Variants in ZPBP observed in about 807,000 individuals in gnomAD.
ZPBP encodes the protein zona pellucida binding protein, also known as zona pellucida-binding protein 1.
A neutral mutation model predicts 44.8 loss-of-function variants in ZPBP; 26 were observed. That is an observed-to-expected ratio of 0.58 (90% CI 0.43 to 0.81). The LOEUF (loss-of-function observed/expected upper bound fraction) is 0.81, where lower values mean the gene tolerates loss of function less well. ZPBP is among the 30% of genes least tolerant of loss of function. ZPBP has a pLI of 0.00. For synonymous variants in ZPBP, 174 were observed against 153.2 expected (o/e 1.14, Z -1.00); for missense variants, 409 against 434.0 (o/e 0.94, Z 0.51).
At chr7:49,859,675 T>C (rs1232008600) in intron 2 of ZPBP, among the ~76,000 whole-genome samples, 1 of 152,254 alleles carries the variant, frequency 6.6e-6, no homozygotes, top group Non-Finnish European at 1.5e-5. Context: ...TATAGATTTA[T>C]ACTATGTGTT....
At chr7:49,895,286 C>T (rs1043726566) in intron 2 of ZPBP, among the ~76,000 whole-genome samples, 4 of 152,114 alleles carry the variant, frequency 2.6e-5, no homozygotes, top group African/African-American at 9.7e-5. Context: ...AGGGCTCTGC[C>T]CTCATGACTT....
chr7:49,943,682 T>C (rs1376534443), intron 7 of ZPBP: 1 of 280,892 alleles, frequency 3.6e-6, no homozygotes, highest in African/African-American at 2.3e-5. Flanking sequence ...TGTACAAACA[T>C]AACGTGTTCC....
intron 2 of ZPBP, among the ~76,000 whole-genome samples, chr7:49,869,291 A>G (rs543107343): frequency 6.6e-6 from 1 of 152,326 alleles, no homozygotes; most frequent in Non-Finnish European, 1.5e-5. Context: ...AATGGAGGAA[A>G]TAATTCCTCC....
chr7:50,069,283 C>CT (rs887443066), intron 3 of ZPBP, among the ~76,000 whole-genome samples: 39 of 151,554 alleles, frequency 2.6e-4, no homozygotes, highest in Admixed American at 1.1e-3. Flanking sequence ...TTTCCAGAGA[C>CT]TTTTTTTTTG....
In ZPBP at chr7:49,937,498, A is replaced by G; in HGVS notation, c.*30T>C. Reference sequence around the variant, plus strand: ...ATTTCAAATATATACTTTGCATTTAATAAACCACTGAATAACTGAAGATAA... The same window carrying G: ...ATTTCAAATATATACTTTGCATTTAGTAAACCACTGAATAACTGAAGATAA... On this transcript the variant is annotated 3_prime_UTR_variant, in exon 8 of 8. Coordinates refer to ENST00000046087, the MANE Select transcript of ZPBP (RefSeq NM_007009.3). 6.6e-7 allele frequency: 1 copy of G among 1,507,056 alleles called. No homozygotes were observed. The highest frequency in any genetic ancestry group is 9.2e-7 in the Non-Finnish European group (1 of 1,082,768). 93.4% of individuals were successfully genotyped at this position (1,507,056 alleles called of 1,614,324 possible).
rs138756868 is a variant in ZPBP at position 49,937,869 on chromosome 7, G to A, written c.962-247C>T. Among the ~76,000 whole-genome samples the A allele has an allele frequency of 1.5e-3, 230 of 152,132 alleles. 3 individuals are homozygous for A. The highest frequency in any genetic ancestry group is 5.3e-3 in the African/African-American group (220 of 41,474). ...TGAGTTTCACTAATCTACATACCTCGTGTAAGTGGAATCATACACTGAAAG... is the reference window on the plus strand; with the variant it reads ...TGAGTTTCACTAATCTACATACCTCATGTAAGTGGAATCATACACTGAAAG... On this transcript the variant is annotated intron_variant, in intron 7 of 7. Transcript: ENST00000046087.
chr7:49,901,652 C>A (rs1299186853), intron 1 of ZPBP, among the ~76,000 whole-genome samples: 1 of 151,846 alleles, frequency 6.6e-6, no homozygotes, highest in Non-Finnish European at 1.5e-5. Flanking sequence ...CAATCCCAAA[C>A]AAAATCCCAG....
intron 2 of ZPBP, among the ~76,000 whole-genome samples, chr7:49,894,097 CT>C (rs915108885): frequency 6.6e-6 from 1 of 151,938 alleles, no homozygotes; most frequent in Admixed American, 6.6e-5. Flanking sequence ...CGTTTCTAGG[CT>C]TTTTCTGGAA....
chr7:50,092,966 T>C, intron 1 of ZPBP, 102 bp downstream of exon 1: 3 of 1,459,240 alleles, frequency 2.1e-6, no homozygotes, highest in Non-Finnish European at 2.7e-6. Context: ...GCAAGGTGTC[T>C]CTATATAAAA....
chr7:49,878,759 A>G (rs146690990), intron 2 of ZPBP, among the ~76,000 whole-genome samples: 3 of 152,238 alleles, frequency 2.0e-5, no homozygotes, highest in African/African-American at 7.2e-5. Flanking sequence ...CTGATATTTT[A>G]ATTTCACATG....
intron 7 of ZPBP, among the ~76,000 whole-genome samples, chr7:49,970,863 T>C (rs1490053650): frequency 7.4e-6 from 1 of 135,288 alleles, no homozygotes; most frequent in African/African-American, 3.2e-5. Flanking sequence ...AAATAATAAA[T>C]AAATAAATAA....
chr7:50,053,573 G>T (rs77894553), intron 4 of ZPBP, among the ~76,000 whole-genome samples: 9 of 152,140 alleles, frequency 5.9e-5, no homozygotes, highest in Non-Finnish European at 1.2e-4. Flanking sequence ...TGTTAAGTAC[G>T]TCAAAACATA....
At chr7:49,853,962 G>T (rs1392814338) in intron 2 of ZPBP, among the ~76,000 whole-genome samples, 1 of 150,986 alleles carries the variant, frequency 6.6e-6, no homozygotes, top group Non-Finnish European at 1.5e-5. Flanking sequence ...AGAACATGCG[G>T]TGTTTGGTTT....
chr7:49,954,955 C>T (rs570118069), intron 7 of ZPBP, among the ~76,000 whole-genome samples: 89 of 152,188 alleles, frequency 5.8e-4, no homozygotes, highest in Middle Eastern at 3.4e-3. Flanking sequence ...TTCATAACAA[C>T]TGAAAGGACT....
chr7:50,076,748 G>A (rs551512076), intron 3 of ZPBP, among the ~76,000 whole-genome samples: 53 of 151,066 alleles, frequency 3.5e-4, no homozygotes, highest in Admixed American at 5.9e-4. Flanking sequence ...AACTGAAGAG[G>A]ACATCCAAAG....
chr7:50,029,206 C>T (rs1369177612), intron 5 of ZPBP, among the ~76,000 whole-genome samples: 1 of 152,108 alleles, frequency 6.6e-6, no homozygotes, highest in Non-Finnish European at 1.5e-5. Context: ...TGACTTTCAA[C>T]AAGGATGCCA....
intron 2 of ZPBP, among the ~76,000 whole-genome samples, chr7:49,878,256 A>G (rs1365761404): frequency 6.6e-6 from 1 of 152,116 alleles, no homozygotes; most frequent in Non-Finnish European, 1.5e-5. Flanking sequence ...CAATATGTTA[A>G]TATTGTGGTT....
chr7:49,992,373 CAAGGG>C (rs1314124415), intron 6 of ZPBP, among the ~76,000 whole-genome samples: 1 of 151,768 alleles, frequency 6.6e-6, no homozygotes, highest in Non-Finnish European at 1.5e-5. Flanking sequence ...AATGAAAACA[CAAGGG>C]AATCTGTATC....
chr7:49,956,181 T>C (rs1795582004), intron 7 of ZPBP, among the ~76,000 whole-genome samples: 3 of 152,118 alleles, frequency 2.0e-5, no homozygotes, highest in Admixed American at 2.0e-4. Context: ...GTTTGTCTGT[T>C]TTTAAATTTT....
Sources: gnomAD v4.1 joint callset for allele counts (sites outside exome capture counted in the v4.1 genomes callset) on GRCh38, gnomAD v4.1.1 for gene constraint, MANE v1.5 for transcripts, NCBI Gene and HGNC (gene_info 2026-07-23, HGNC 2026-07-21) for gene names.